The following MEGF11 variants were observed in gnomAD, a reference collection of about 807,000 sequenced individuals.
MEGF11 encodes multiple EGF like domains 11.
Under a neutral mutation model 146.6 loss-of-function variants are expected in MEGF11, and 126 were observed. That is an observed-to-expected ratio of 0.86 (90% CI 0.74 to 1.00). The LOEUF is 1.00. MEGF11 is among the 50% of genes least tolerant of loss of function. The pLI is 0.00. For missense variants in MEGF11, 1,509 were observed against 1,521.2 expected, an observed-to-expected ratio of 0.99 and a Z score of 0.13; for synonymous variants, 532 against 583.4, an observed-to-expected ratio of 0.91 and a Z score of 1.27.
At chr15:66,028,221 C>T (rs979509265) in intron 5 of MEGF11, among the ~76,000 whole-genome samples, 2 of 152,164 alleles carry the variant, frequency 1.3e-5, no homozygotes, top group African/African-American at 4.8e-5. Context: ...CTCTGCAGCC[C>T]CTGCAGCACC....
chr15:65,933,120 T>G (rs1407674262), intron 10 of MEGF11, among the ~76,000 whole-genome samples: 1 of 152,128 alleles, frequency 6.6e-6, no homozygotes, highest in Non-Finnish European at 1.5e-5. Context: ...TGTCTCGCCC[T>G]TGGGGGCAGG....
chr15:65,992,326 G>T (rs557323513), intron 5 of MEGF11, among the ~76,000 whole-genome samples: 1 of 152,008 alleles, frequency 6.6e-6, no homozygotes, highest in African/African-American at 2.4e-5. Context: ...AACCAACACT[G>T]AGCCCCTGCT....
chr15:65,997,623 C>T (rs1185218364), intron 5 of MEGF11, among the ~76,000 whole-genome samples: 1 of 152,104 alleles, frequency 6.6e-6, no homozygotes, highest in African/African-American at 2.4e-5. Flanking sequence ...CTTTTGTTTA[C>T]TGTCTGGGAT....
In MEGF11 at chr15:66,022,970, T is replaced by C. The variant is rs112565745; in HGVS notation, c.395-40482A>G. On this transcript the variant is annotated intron_variant, in intron 5 of 25. Coordinates refer to ENST00000395614, the MANE Select transcript of MEGF11 (RefSeq NM_001385028.1). ...GAGTTCGAGACCAGCCTGACCAACA[T>C]GGTGAAACCCCATCTCTACTAAAAA... Among the ~76,000 whole-genome samples, 555 of 151,726 alleles carry C rather than the reference T, an allele frequency of 3.7e-3. 4 individuals carry two copies. Among genetic ancestry groups the C allele is most frequent in the African/African-American group, 0.013 (537 of 41,346 alleles).
At chr15:65,987,869 C>A (rs557181887) in intron 5 of MEGF11, among the ~76,000 whole-genome samples, 14 of 152,024 alleles carry the variant, frequency 9.2e-5, no homozygotes, top group African/African-American at 3.4e-4. Flanking sequence ...CGCCACCATG[C>A]CTGGCTAATT....
chr15:66,192,967 C>T (rs1037269723), intron 1 of MEGF11, among the ~76,000 whole-genome samples: 13 of 152,210 alleles, frequency 8.5e-5, no homozygotes, highest in Non-Finnish European at 1.2e-4. Context: ...AAGGCAGCAC[C>T]AAGGACATTC....
At chr15:65,950,722 A>G (rs78949016) in intron 10 of MEGF11, among the ~76,000 whole-genome samples, 14,792 of 152,298 alleles carry the variant, frequency 0.097, 935 homozygotes, top group Middle Eastern at 0.18. Context: ...TCGAAGGCAG[A>G]GAATTTGGCA....
At chr15:65,916,804 G>T (rs747365839) in intron 17 of MEGF11, 24 bp downstream of exon 17, 1 of 1,610,296 alleles carries the variant, frequency 6.2e-7, no homozygotes, top group Non-Finnish European at 8.5e-7. Flanking sequence ...CTAAGTGGCT[G>T]GGAGGCCAGG....
chr15:66,079,546 C>CA (rs2085751588), intron 5 of MEGF11, among the ~76,000 whole-genome samples: 1 of 150,062 alleles, frequency 6.7e-6, no homozygotes, highest in Admixed American at 6.7e-5. Context: ...CACCCCCCCC[C>CA]CCAGCACCCC....
chr15:66,194,627 A>ACAAT (rs2090964204), intron 1 of MEGF11, among the ~76,000 whole-genome samples: 1 of 149,522 alleles, frequency 6.7e-6, no homozygotes, highest in Non-Finnish European at 1.5e-5. Context: ...AAACAAACAA[A>ACAAT]CAAAAAGAAT....
At chr15:65,981,849 G>A (rs1439840495) in intron 6 of MEGF11, among the ~76,000 whole-genome samples, 1 of 152,154 alleles carries the variant, frequency 6.6e-6, no homozygotes, top group Admixed American at 6.5e-5. Flanking sequence ...GGCCCCAGGT[G>A]AGCAGCATCA....
chr15:66,097,752 C>CTA (rs2086615088), intron 4 of MEGF11, among the ~76,000 whole-genome samples: 1 of 138,970 alleles, frequency 7.2e-6, no homozygotes, highest in African/African-American at 2.8e-5. Flanking sequence ...CAAAAAACTA[C>CTA]AAAAAAAAAA....
intron 5 of MEGF11, among the ~76,000 whole-genome samples, chr15:66,067,031 C>G (rs1327699576): frequency 6.6e-6 from 1 of 152,216 alleles, no homozygotes; most frequent in Non-Finnish European, 1.5e-5. Context: ...CTTCGGTTTT[C>G]TCATCTGTAA....
rs1259462644 is a variant in MEGF11, at chr15:65,982,287, G to A, written c.596C>T (p.Pro199Leu). 4.5e-6 allele frequency: 7 copies of A among 1,540,144 alleles called. No individual in the cohort carries two copies. Among genetic ancestry groups the A allele is most frequent in the Non-Finnish European group, 6.1e-6 (7 of 1,145,536 alleles). ...CQCRHGASCDPRAGECLCAPG... is the reference protein window; with the variant it reads ...CQCRHGASCDLRAGECLCAPG... ...TGCGCAGAGGCACTCGCCGGCGCGGGGGTCGCAGCTGGCACCGTGTCGGCA... is the reference window on the plus strand; with the variant it reads ...TGCGCAGAGGCACTCGCCGGCGCGGAGGTCGCAGCTGGCACCGTGTCGGCA... Residue 199 changes from proline to leucine, a missense_variant, in exon 6 of 26, where the codon CCC (proline) becomes CTC (leucine). Transcript: ENST00000395614. This position sits in a 1 kb window ranked among gnomAD's most constrained non-coding sequence, Gnocchi z 5.6.
chr15:66,164,604 G>C (rs897748123), intron 1 of MEGF11, among the ~76,000 whole-genome samples: 3 of 152,096 alleles, frequency 2.0e-5, no homozygotes, highest in Non-Finnish European at 4.4e-5. Context: ...TGTGGGCCTC[G>C]TGGAGTTTTG....
chr15:65,958,888 G>A (rs1336399238), intron 9 of MEGF11, among the ~76,000 whole-genome samples: 1 of 152,158 alleles, frequency 6.6e-6, no homozygotes, highest in Non-Finnish European at 1.5e-5. Flanking sequence ...GATTCCTTGT[G>A]GCACTGGCCT....
chr15:65,972,007 T>G (rs769122418), intron 7 of MEGF11, among the ~76,000 whole-genome samples: 2 of 151,908 alleles, frequency 1.3e-5, no homozygotes, highest in African/African-American at 4.8e-5. Flanking sequence ...ATCCAGAGAA[T>G]AGGAAAGAGG....
rs373775611 is a variant in MEGF11 at position 65,922,821 on chromosome 15, A to G, written c.1822+2T>C. Reference sequence around the variant, plus strand: ...TCTTCGGGGTCAGGGGATTAGCCTTACTTCTCTGGCATAAGGGTCCTCGGA... The same window carrying G: ...TCTTCGGGGTCAGGGGATTAGCCTTGCTTCTCTGGCATAAGGGTCCTCGGA... On this transcript the variant is annotated splice_donor_variant, in intron 14 of 25. Transcript: ENST00000395614. LOFTEE classifies it high-confidence loss of function. 1.3e-4 allele frequency: 213 copies of G among 1,613,598 alleles called. No homozygotes were observed. The highest frequency in any genetic ancestry group is 1.7e-4 in the Non-Finnish European group (199 of 1,179,806).
chr15:66,102,324 C>T (rs986424687), intron 4 of MEGF11, among the ~76,000 whole-genome samples: 1 of 150,320 alleles, frequency 6.7e-6, no homozygotes, highest in South Asian at 2.2e-4. Context: ...AGAGCCATGA[C>T]TAGGCTTCTC....
Sources: gnomAD v4.1 joint callset for allele counts (sites outside exome capture counted in the v4.1 genomes callset) on GRCh38, gnomAD v4.1.1 for gene constraint, Gnocchi (gnomAD v3.1) non-coding constraint, MANE v1.5 for transcripts, NCBI Gene and HGNC (gene_info 2026-07-23, HGNC 2026-07-21) for gene names.